The following SCML4 variants were observed in gnomAD, a reference collection of about 807,000 sequenced individuals.
SCML4 encodes the protein sex comb on midleg-like protein 4.
A neutral mutation model predicts 41.1 loss-of-function variants in SCML4; 34 were observed. The ratio of observed to expected loss-of-function variants is 0.83; its 90% CI spans 0.63 to 1.10. The LOEUF is 1.10. Ranked by LOEUF, SCML4 falls within the 50% of genes least tolerant of loss-of-function variation. The probability of loss-of-function intolerance (pLI) is 0.00; values close to 1 mark genes in which losing one functional copy is unlikely to be tolerated. For missense variants in SCML4, 522 were observed against 534.1 expected (o/e 0.98, Z 0.22); for synonymous variants, 214 against 220.9 (o/e 0.97, Z 0.28).
intron 1 of SCML4, among the ~76,000 whole-genome samples, chr6:107,773,560 C>A (rs1391066118): frequency 2.6e-5 from 3 of 116,562 alleles, no homozygotes; most frequent in African/African-American, 1.0e-4. Context: ...CCACTACATA[C>A]AAGCCTGGGT....
chr6:107,822,652 C>G (rs1021530534), intron 1 of SCML4, among the ~76,000 whole-genome samples: 1 of 151,860 alleles, frequency 6.6e-6, no homozygotes, highest in Non-Finnish European at 1.5e-5. Context: ...ATGAATTTAC[C>G]AAAATATTTC....
chr6:107,781,184 T>C (rs1201409207), intron 1 of SCML4, among the ~76,000 whole-genome samples: 3 of 151,998 alleles, frequency 2.0e-5, no homozygotes, highest in Admixed American at 2.0e-4. Flanking sequence ...TGAGACCCTG[T>C]CTCTACAAAA....
chr6:107,812,880 T>TACACACACAC (rs141469245), intron 1 of SCML4, among the ~76,000 whole-genome samples: 3,140 of 141,422 alleles, frequency 0.022, 51 homozygotes, highest in South Asian at 0.03. Flanking sequence ...CACAGACACA[T>TACACACACAC]ACACACACAC....
At chr6:107,794,404 G>A (rs1159958917) in intron 1 of SCML4, among the ~76,000 whole-genome samples, 2 of 152,056 alleles carry the variant, frequency 1.3e-5, no homozygotes, top group East Asian at 1.9e-4. Context: ...GGGCACATTC[G>A]GGCTTCTCTA....
At chr6:107,831,704 C>T in the SCML4 span, among the ~76,000 whole-genome samples, 1 of 152,110 alleles carries the variant, frequency 6.6e-6, no homozygotes, top group Admixed American at 6.5e-5. Flanking sequence ...AGATTACTTG[C>T]AGTCAGGAGT....
chr6:107,775,141 G>T (rs1434785255), intron 1 of SCML4, among the ~76,000 whole-genome samples: 1 of 152,196 alleles, frequency 6.6e-6, no homozygotes, highest in Non-Finnish European at 1.5e-5. Context: ...TCAGCCAGAA[G>T]ATAATGGAGT....
At chr6:107,844,847 A>G in the SCML4 span, among the ~76,000 whole-genome samples, 1 of 152,006 alleles carries the variant, frequency 6.6e-6, no homozygotes. Flanking sequence ...GGATTGCTTG[A>G]GGCCAGGAGC....
chr6:107,782,833 C>G (rs112053219), intron 1 of SCML4, among the ~76,000 whole-genome samples: 2,169 of 48,618 alleles, frequency 0.045, no homozygotes, highest in African/African-American at 0.069. Flanking sequence ...TGCCTGATGG[C>G]AGGTGCTGGT....
chr6:107,834,817 C>T, the SCML4 span, among the ~76,000 whole-genome samples: 1 of 151,852 alleles, frequency 6.6e-6, no homozygotes, highest in Non-Finnish European at 1.5e-5. Flanking sequence ...TGGCAGCAGG[C>T]ACCTGTAGTC....
intron 2 of SCML4, among the ~76,000 whole-genome samples, chr6:107,760,087 A>C (rs184639300): frequency 6.6e-6 from 1 of 152,274 alleles, no homozygotes; most frequent in African/African-American, 2.4e-5. Context: ...TCATTAGATT[A>C]TTTTTGAACA....
At chr6:107,811,733 C>T (rs577889242) in intron 1 of SCML4, among the ~76,000 whole-genome samples, 1 of 152,294 alleles carries the variant, frequency 6.6e-6, no homozygotes, top group South Asian at 2.1e-4. Context: ...CTCCTGGGGG[C>T]AGTCTGGGCA....
chr6:107,758,118 A>T (rs976082922), intron 2 of SCML4, among the ~76,000 whole-genome samples: 1 of 152,344 alleles, frequency 6.6e-6, no homozygotes, highest in Admixed American at 6.5e-5. Context: ...AGCACCTACT[A>T]TGTGCCAGGA....
At chr6:107,833,657 G>T in the SCML4 span, among the ~76,000 whole-genome samples, 2 of 152,176 alleles carry the variant, frequency 1.3e-5, no homozygotes, top group African/African-American at 4.8e-5. Context: ...AGGAAGTCCA[G>T]GCTTCCCCCA....
At chr6:107,815,853 T>C (rs1195940683) in intron 1 of SCML4, among the ~76,000 whole-genome samples, 1 of 152,180 alleles carries the variant, frequency 6.6e-6, no homozygotes, top group African/African-American at 2.4e-5. Flanking sequence ...AAATGGGGGT[T>C]GGGTCTGACA....
intron 2 of SCML4, among the ~76,000 whole-genome samples, chr6:107,768,079 G>A (rs1057340335): frequency 2.7e-5 from 4 of 150,498 alleles, no homozygotes; most frequent in African/African-American, 9.8e-5. Context: ...TGGGGAACTC[G>A]GTGAGACTTC....
intron 6 of SCML4, among the ~76,000 whole-genome samples, chr6:107,717,609 G>T (rs1054105745): frequency 6.6e-6 from 1 of 152,106 alleles, no homozygotes; most frequent in Non-Finnish European, 1.5e-5. Flanking sequence ...GTGCAGTGGC[G>T]CAATCTCTGC....
At chr6:107,715,837 C>T (rs569631152) in intron 6 of SCML4, among the ~76,000 whole-genome samples, 1 of 152,316 alleles carries the variant, frequency 6.6e-6, no homozygotes, top group South Asian at 2.1e-4. Flanking sequence ...GGTTTTAAAC[C>T]ATTTTGATTA....
intron 6 of SCML4, among the ~76,000 whole-genome samples, chr6:107,715,598 G>C (rs912205409): frequency 6.6e-6 from 1 of 152,168 alleles, no homozygotes; most frequent in African/African-American, 2.4e-5. Flanking sequence ...TCTTGGATGA[G>C]AGACAAGGAA....
chr6:107,839,667 T>G, the SCML4 span, among the ~76,000 whole-genome samples: 202 of 152,254 alleles, frequency 1.3e-3, 3 homozygotes, highest in Admixed American at 0.013. Flanking sequence ...TTAAAAAATG[T>G]GGAAGACACA....
Sources: allele counts gnomAD v4.1 joint callset (sites outside exome capture counted in the v4.1 genomes callset), GRCh38; gene constraint gnomAD v4.1.1; transcripts MANE v1.5; gene names NCBI Gene and HGNC (gene_info 2026-07-23, HGNC 2026-07-21).